Variants in XRN2 observed in about 807,000 individuals in gnomAD.
The protein encoded by XRN2 is 5'-3' exoribonuclease 2, also known as DHM1-like protein.
In XRN2, 44 loss-of-function variants were observed where a neutral mutation model predicts 138.5. The observed-to-expected ratio is 0.32, with a 90% CI of 0.25 to 0.41. XRN2 has a LOEUF of 0.41. XRN2 is among the 10% of genes least tolerant of loss of function. XRN2 has a pLI of 1.00. For missense variants in XRN2, 937 were observed against 1,169.3 expected (o/e 0.80, Z 2.90); for synonymous variants, 354 against 369.4 (o/e 0.96, Z 0.48).
At chr20:21,313,558 G>C (rs1163393867) in intron 1 of XRN2, among the ~76,000 whole-genome samples, 1 of 152,212 alleles carries the variant, frequency 6.6e-6, no homozygotes, top group Admixed American at 6.5e-5. Flanking sequence ...TTACAATCCT[G>C]TTACAGAAGC....
intron 27 of XRN2, among the ~76,000 whole-genome samples, chr20:21,377,257 G>GTTTTTTTTTTT (rs1166479171): frequency 3.3e-5 from 1 of 30,316 alleles, no homozygotes; most frequent in African/African-American, 1.9e-4. Context: ...TGATTTGTCG[G>GTTTTTTTTTTT]TTTTTTCTTT....
intron 23 of XRN2, 136 bp downstream of exon 23, chr20:21,356,801 G>A: frequency 1.3e-6 from 1 of 793,148 alleles, no homozygotes; most frequent in Non-Finnish European, 1.9e-6. Flanking sequence ...CTTGCTGACT[G>A]AAAAATGCTT....
chr20:21,360,894 T>C (rs1228410769), intron 24 of XRN2, among the ~76,000 whole-genome samples: 2 of 152,214 alleles, frequency 1.3e-5, no homozygotes, highest in African/African-American at 4.8e-5. Context: ...ATAAACTCTT[T>C]AAGTGTTTTA....
chr20:21,384,970 A>T (rs935450681), intron 28 of XRN2, among the ~76,000 whole-genome samples: 5 of 152,212 alleles, frequency 3.3e-5, no homozygotes, highest in Non-Finnish European at 5.9e-5. Flanking sequence ...AGTCAGAAGA[A>T]GGTAGTACAT....
intron 3 of XRN2, among the ~76,000 whole-genome samples, chr20:21,327,740 A>G (rs909388933): frequency 6.6e-6 from 1 of 152,224 alleles, no homozygotes; most frequent in Non-Finnish European, 1.5e-5. Flanking sequence ...AAATGTAGAT[A>G]CAGAACTTTG....
chr20:21,362,169 T>A (rs1416169509), intron 24 of XRN2, among the ~76,000 whole-genome samples: 1 of 152,192 alleles, frequency 6.6e-6, no homozygotes, highest in Non-Finnish European at 1.5e-5. Flanking sequence ...TTGGAAAGTT[T>A]TTCCCTTTCA....
intron 23 of XRN2, among the ~76,000 whole-genome samples, chr20:21,357,001 A>G (rs1271129328): frequency 6.6e-6 from 1 of 152,214 alleles, no homozygotes; most frequent in African/African-American, 2.4e-5. Context: ...CTCAAGAGAT[A>G]GAAGCAGAGG....
rs2038462054 is a variant in XRN2 at position 21,348,205 on chromosome 20, T to C, written c.1725T>C (p.Phe575=). ...ATTATGCACCATTTGCTTCAGACTT[T>C]GAAGGCATTGCAGACATGCCATCTG... ...PFHYAPFASD[F]EGIADMPSDF... The change falls in exon 18 of 30, where the codon TTT becomes TTC. Residue 575 remains phenylalanine (F), a synonymous_variant. Transcript: ENST00000377191. 1 of 1,614,130 alleles carries C rather than the reference T, an allele frequency of 6.2e-7. No homozygotes were observed. The highest frequency in any genetic ancestry group is 1.7e-5 in the Admixed American group (1 of 60,018).
chr20:21,353,163 TATA>T (rs1241120875), intron 20 of XRN2, among the ~76,000 whole-genome samples: 21 of 146,056 alleles, frequency 1.4e-4, no homozygotes, highest in East Asian at 3.9e-4. Context: ...TAATATATAA[TATA>T]ATATATGTTT....
intron 27 of XRN2, among the ~76,000 whole-genome samples, chr20:21,381,057 A>G (rs2038877598): frequency 6.6e-6 from 1 of 152,182 alleles, no homozygotes; most frequent in Admixed American, 6.5e-5. Context: ...TAAAAACCAT[A>G]TATATTTTTG....
At chr20:21,386,771 G>A in intron 28 of XRN2, 97 bp from the exon 29 acceptor site, 1 of 1,456,586 alleles carries the variant, frequency 6.9e-7, no homozygotes, top group Non-Finnish European at 9.3e-7. Flanking sequence ...CAGGTAAATT[G>A]GATTGTACTA....
intron 27 of XRN2, among the ~76,000 whole-genome samples, chr20:21,369,205 G>A (rs2038736066): frequency 6.6e-6 from 1 of 152,126 alleles, no homozygotes; most frequent in African/African-American, 2.4e-5. Flanking sequence ...GTAACATAAC[G>A]ACCTCCGTTT....
intron 28 of XRN2, among the ~76,000 whole-genome samples, chr20:21,382,466 C>G (rs1040792004): frequency 2.0e-5 from 3 of 152,204 alleles, no homozygotes; most frequent in African/African-American, 7.2e-5. Flanking sequence ...ACCATTGATT[C>G]TTGCTACAAA....
Position 21,365,716 on chromosome 20 carries a change from G to C in XRN2, c.2456+12G>C, listed in dbSNP as rs1265348052. 14 of 1,600,416 alleles carry C rather than the reference G, an allele frequency of 8.7e-6. No homozygotes were observed. The highest frequency in any genetic ancestry group is 1.1e-5 in the Non-Finnish European group (13 of 1,174,118). On this transcript the variant is annotated intron_variant, in intron 26 of 29. Transcript: ENST00000377191. ...TTCAGGACTTTGGGGTGAGTTGTCA[G>C]TTTTTAGCCCTTGTATATTTTGCTT...
chr20:21,355,496 C>CT (rs2038564996), intron 21 of XRN2, among the ~76,000 whole-genome samples: 1 of 151,988 alleles, frequency 6.6e-6, no homozygotes, highest in Non-Finnish European at 1.5e-5. Flanking sequence ...TATATGTTTC[C>CT]TTAGGGAATG....
intron 27 of XRN2, among the ~76,000 whole-genome samples, chr20:21,372,797 T>C (rs2038777504): frequency 6.6e-6 from 1 of 151,886 alleles, no homozygotes; most frequent in African/African-American, 2.4e-5. Context: ...AGCCCCCCAT[T>C]GTGTCCTTTC....
chr20:21,330,432 T>C lies in XRN2; in HGVS notation c.428-49T>C, dbSNP rs1199989990. On this transcript the variant is annotated intron_variant, in intron 4 of 29. Transcript: ENST00000377191. ...GTTGTTCTGGCTTAATGTTGAGTAATTTATCTCACTTTTTATGGGGAGAAC... is the reference window on the plus strand; with the variant it reads ...GTTGTTCTGGCTTAATGTTGAGTAACTTATCTCACTTTTTATGGGGAGAAC... 4 of 1,595,018 alleles carry C rather than the reference T, an allele frequency of 2.5e-6. No individual in the cohort carries two copies. In the African/African-American group the frequency reaches 5.4e-5, roughly 22 times the overall value.
intron 23 of XRN2, among the ~76,000 whole-genome samples, chr20:21,356,982 CAG>C (rs1169433018): frequency 6.6e-6 from 1 of 152,036 alleles, no homozygotes; most frequent in Non-Finnish European, 1.5e-5. Flanking sequence ...TGGAGTTTTC[CAG>C]AGGCCTCTCA....
chr20:21,346,485 T>A lies in XRN2; in HGVS notation c.1600T>A (p.Phe534Ile). The A allele has an allele frequency of 6.2e-7, 1 of 1,614,182 alleles. No individual in the cohort carries two copies. Among genetic ancestry groups the A allele is most frequent in the African/African-American group, 1.3e-5 (1 of 75,052 alleles). ...KFDVDAADEK[F>I]RRKVVQSYVE... ...TGATGTGGATGCAGCTGATGAGAAA[T>A]TCCGTCGGAAAGTTGTGCAGTCGTA... The change falls in exon 17 of 30, where the codon TTC becomes ATC. Residue 534 changes from phenylalanine to isoleucine, a missense_variant. By Grantham distance (21) the Phe-to-Ile change is conservative. Transcript: ENST00000377191.
Sources: gnomAD v4.1 joint callset for allele counts (sites outside exome capture counted in the v4.1 genomes callset) on GRCh38, gnomAD v4.1.1 for gene constraint, MANE v1.5 for transcripts, NCBI Gene and HGNC (gene_info 2026-07-23, HGNC 2026-07-21) for gene names.